Variants in NAALADL2 observed in about 807,000 individuals in gnomAD.
NAALADL2 encodes the protein N-acetylated alpha-linked acidic dipeptidase like 2, also known as inactive N-acetylated-alpha-linked acidic dipeptidase-like protein 2.
NAALADL2 carries 76 observed loss-of-function variants against 87.2 expected under a neutral mutation model. The ratio of observed to expected loss-of-function variants is 0.87; its 90% CI spans 0.72 to 1.05. NAALADL2 has a LOEUF of 1.05. NAALADL2 is among the 50% of genes least tolerant of loss of function. The probability of loss-of-function intolerance (pLI) is 0.00; values close to 1 mark genes in which losing one functional copy is unlikely to be tolerated. For synonymous variants in NAALADL2, 354 were observed against 331.0 expected, an observed-to-expected ratio of 1.07 and a Z score of -0.75; for missense variants, 1,089 against 945.8, an observed-to-expected ratio of 1.15 and a Z score of -1.99.
intron 5 of NAALADL2, among the ~76,000 whole-genome samples, chr3:175,331,664 G>C (rs1008224212): frequency 2.5e-4 from 38 of 152,058 alleles, no homozygotes; most frequent in Non-Finnish European, 2.9e-5. Context: ...TACTAAATGG[G>C]GAAAAGCCTT....
chr3:175,467,853 G>A (rs1387758463), intron 8 of NAALADL2, among the ~76,000 whole-genome samples: 2 of 151,856 alleles, frequency 1.3e-5, no homozygotes, highest in Admixed American at 6.6e-5. Context: ...GACAGACCTG[G>A]GTCTCATAAA....
chr3:175,500,738 C>A (rs940043997), intron 9 of NAALADL2, among the ~76,000 whole-genome samples: 1 of 151,664 alleles, frequency 6.6e-6, no homozygotes, highest in Non-Finnish European at 1.5e-5. Flanking sequence ...AAGAAAGTGG[C>A]GCATAGAGAA....
chr3:175,718,702 G>A, intron 11 of NAALADL2: 1 of 1,480,490 alleles, frequency 6.8e-7, no homozygotes, highest in South Asian at 1.1e-5. Context: ...AGAGATGGAA[G>A]ATCACTTGAG....
At chr3:175,767,363 A>C (rs1213478016) in intron 13 of NAALADL2, among the ~76,000 whole-genome samples, 1 of 152,170 alleles carries the variant, frequency 6.6e-6, no homozygotes, top group Non-Finnish European at 1.5e-5. Flanking sequence ...CAATTGATAT[A>C]ATCCTTAAAA....
intron 2 of NAALADL2, among the ~76,000 whole-genome samples, chr3:175,132,807 A>ACGGGATGGCTGCCGGG (rs1728346223): frequency 2.0e-5 from 3 of 150,544 alleles, no homozygotes; most frequent in African/African-American, 7.4e-5. Context: ...TCCCTCCCGG[A>ACGGGATGGCTGCCGGG]CGGGATGGCT....
intron 11 of NAALADL2, among the ~76,000 whole-genome samples, chr3:175,629,373 TGA>T (rs1335492881): frequency 7.5e-6 from 1 of 133,406 alleles, no homozygotes; most frequent in African/African-American, 3.2e-5. Flanking sequence ...TATATATATA[TGA>T]ATATATATAT....
chr3:174,985,436 C>A (rs1745723581), intron 1 of NAALADL2, among the ~76,000 whole-genome samples: 1 of 152,048 alleles, frequency 6.6e-6, no homozygotes, highest in Non-Finnish European at 1.5e-5. Context: ...CAAGAAAAAT[C>A]TTTTGAGGTA....
At chr3:174,705,750 T>G (rs914896733) in intron 2 of NAALADL2, among the ~76,000 whole-genome samples, 1 of 135,488 alleles carries the variant, frequency 7.4e-6, no homozygotes, top group East Asian at 2.2e-4. Flanking sequence ...GCCACTGCAC[T>G]CCAGCCTGGG....
intron 2 of NAALADL2, among the ~76,000 whole-genome samples, chr3:174,654,235 GTC>G (rs1438158257): frequency 1.3e-5 from 2 of 152,038 alleles, no homozygotes; most frequent in African/African-American, 2.4e-5. Context: ...TTTTGTTAAG[GTC>G]TGAGTGTGTG....
chr3:174,911,307 A>G (rs577792888), intron 1 of NAALADL2, among the ~76,000 whole-genome samples: 3 of 152,160 alleles, frequency 2.0e-5, no homozygotes, highest in Admixed American at 6.5e-5. Context: ...AGGACAGTCA[A>G]TCAAATATAT....
chr3:174,749,090 C>G (rs549624550), intron 3 of NAALADL2, among the ~76,000 whole-genome samples: 3 of 152,224 alleles, frequency 2.0e-5, no homozygotes, highest in African/African-American at 7.2e-5. Flanking sequence ...TTTAATCTCC[C>G]TATATGCTTT....
chr3:175,490,536 G>A (rs1011592653), intron 9 of NAALADL2, among the ~76,000 whole-genome samples: 2 of 147,792 alleles, frequency 1.4e-5, no homozygotes, highest in African/African-American at 5.0e-5. Context: ...ACAGGCACCC[G>A]CCACCACGCC....
At chr3:175,753,458 C>T (rs893435171) in intron 12 of NAALADL2, among the ~76,000 whole-genome samples, 5 of 151,982 alleles carry the variant, frequency 3.3e-5, no homozygotes, top group African/African-American at 7.3e-5. Context: ...AATTTCAACA[C>T]GGTGCTGGGC....
At chr3:174,478,948 A>G (rs1577992711) in intron 1 of NAALADL2, among the ~76,000 whole-genome samples, 1 of 152,326 alleles carries the variant, frequency 6.6e-6, no homozygotes, top group African/African-American at 2.4e-5. Flanking sequence ...ACCTCAAGCA[A>G]TCCACCTGCC....
intron 9 of NAALADL2, among the ~76,000 whole-genome samples, chr3:175,569,493 G>A (rs62288399): frequency 0.12 from 18,848 of 152,064 alleles, 1,314 homozygotes; most frequent in Middle Eastern, 0.17. Flanking sequence ...AAATTCACAC[G>A]TTGAAGACAA....
intron 5 of NAALADL2, among the ~76,000 whole-genome samples, chr3:175,344,310 C>A (rs1209089431): frequency 1.3e-5 from 2 of 151,960 alleles, no homozygotes; most frequent in Non-Finnish European, 2.9e-5. Flanking sequence ...TTCAGTAGTG[C>A]AAAGGACAGG....
intron 12 of NAALADL2, among the ~76,000 whole-genome samples, chr3:175,747,883 C>T (rs1746131305): frequency 6.6e-6 from 1 of 152,136 alleles, no homozygotes; most frequent in Non-Finnish European, 1.5e-5. Flanking sequence ...GGTTATATTT[C>T]TAAAATAAAT....
intron 12 of NAALADL2, among the ~76,000 whole-genome samples, chr3:175,738,839 T>G (rs1744871463): frequency 6.6e-6 from 1 of 152,170 alleles, no homozygotes; most frequent in Admixed American, 6.5e-5. Context: ...CAACCAAACA[T>G]ATGGCACTTT....
intron 5 of NAALADL2, among the ~76,000 whole-genome samples, chr3:175,374,235 GT>G (rs1339693650): frequency 6.6e-6 from 1 of 151,290 alleles, no homozygotes; most frequent in East Asian, 1.9e-4. Context: ...TCATAAATAC[GT>G]TTTCTTATTT....
Sources: gnomAD v4.1 joint callset for allele counts (sites outside exome capture counted in the v4.1 genomes callset) on GRCh38, gnomAD v4.1.1 for gene constraint, MANE v1.5 for transcripts, NCBI Gene and HGNC (gene_info 2026-07-23, HGNC 2026-07-21) for gene names.